CYBC1: variants seen among roughly 807,000 people sequenced by gnomAD.
The protein encoded by CYBC1 is cytochrome b-245 chaperone 1.
CYBC1 carries 22 observed loss-of-function variants against 21.7 expected under a neutral mutation model. The ratio of observed to expected loss-of-function variants is 1.02; its 90% CI spans 0.73 to 1.45. CYBC1 has a LOEUF of 1.45. Ranked by LOEUF, CYBC1 falls within the 40% of genes most tolerant of loss-of-function variation. The probability of loss-of-function intolerance (pLI) is 0.00; values close to 1 mark genes in which losing one functional copy is unlikely to be tolerated. For missense variants in CYBC1, 237 were observed against 242.1 expected (o/e 0.98, Z 0.14); for synonymous variants, 112 against 98.7 (o/e 1.13, Z -0.80).
chr17:82,444,188 A>G, intron 6 of CYBC1, 64 bp from the exon 7 acceptor site: 1 of 1,571,122 alleles, frequency 6.4e-7, no homozygotes, highest in Middle Eastern at 1.9e-4. Context: ...GTGAGACCCC[A>G]CAGCAGTCTC....
rs11951 is a variant in CYBC1, at chr17:82,442,750, G to A, written c.*1254C>T. 17 of 712,266 alleles carry A rather than the reference G, an allele frequency of 2.4e-5. No individual in the cohort carries two copies. Among genetic ancestry groups the A allele is most frequent in the African/African-American group, 5.3e-5 (3 of 56,350 alleles). 44.1% of individuals were successfully genotyped at this position (712,266 alleles called of 1,614,324 possible). A position where few individuals can be genotyped will look rare whatever the true frequency, so the allele number is the denominator to read the frequency against. ...CATCTCTCTCCTGTCGGCTTTCACC[G>A]AGGTCACAGCCAGACGTGGGGCAAA... is the stretch of plus-strand genomic sequence containing the variant. On this transcript the variant is annotated 3_prime_UTR_variant, in exon 7 of 7. Transcript: ENST00000306645. This position sits in a 1 kb window ranked among gnomAD's most constrained non-coding sequence, Gnocchi z 6.8.
chr17:82,447,352 C>CA (rs59578640), intron 3 of CYBC1: 33,777 of 463,756 alleles, frequency 0.073, 8 homozygotes, highest in Middle Eastern at 0.095. Flanking sequence ...GACTCCGTCT[C>CA]AAAAAAAAAA....
At chr17:82,448,966 A>C in intron 2 of CYBC1, 1 of 561,062 alleles carries the variant, frequency 1.8e-6, no homozygotes, top group Non-Finnish European at 3.1e-6. Context: ...GCTGGGTGTT[A>C]GTGATTAAAA....
At chr17:82,450,280 T>C (rs1435032715) in intron 1 of CYBC1, 1 of 151,806 alleles carries the variant, frequency 6.6e-6, no homozygotes, top group Non-Finnish European at 1.5e-5. Context: ...AGACCGTGTC[T>C]CAAAAAAATA....
At chr17:82,444,404 C>A (rs1218118447) in intron 6 of CYBC1, 43 bp downstream of exon 6, 1 of 1,569,128 alleles carries the variant, frequency 6.4e-7, no homozygotes, top group Non-Finnish European at 8.7e-7. Flanking sequence ...GAGTGACCTG[C>A]TACGGCTGCA....
intron 4 of CYBC1, 103 bp from the exon 5 acceptor site, chr17:82,446,063 G>C (rs1017354602): frequency 9.1e-6 from 8 of 874,322 alleles, no homozygotes; most frequent in Admixed American, 2.3e-5. Context: ...ACTCAAGAAG[G>C]GGGGCTGGGG....
At chr17:82,449,323 G>A (rs2054464273) in intron 1 of CYBC1, 31 bp from the exon 2 acceptor site, 1 of 1,300,994 alleles carries the variant, frequency 7.7e-7, no homozygotes, top group Non-Finnish European at 1.0e-6. Flanking sequence ...CTGAGCCCTT[G>A]GGCCTGCACA....
rs1421154681 is a variant in CYBC1 at position 82,449,180 on chromosome 17, G to A, written c.75C>T (p.Ser25=). 2 of 1,574,342 alleles carry A rather than the reference G, an allele frequency of 1.3e-6. No homozygotes were observed. Among genetic ancestry groups the A allele is most frequent in the Non-Finnish European group, 1.7e-6 (2 of 1,161,432 alleles). Residue 25 remains serine, a synonymous_variant, in exon 2 of 7, where the codon TCC becomes TCT. Transcript: ENST00000306645. ...CGTGGAGAGCCTTACCAACCAGCAG[G>A]GACCAGGACCGGATGCCTGGAGCCC... ...LKRAPGIRSW[S]LLVGILSIGL... is the part of the protein sequence containing the mutation.
At position 82,446,649 on chromosome 17, in the gene CYBC1, C is replaced by T; in HGVS notation, c.175G>A (p.Ala59Thr). Residue 59 changes from alanine to threonine, a missense_variant, in exon 4 of 7, where the codon GCT (alanine) becomes ACT (threonine). Coordinates refer to ENST00000306645, the MANE Select transcript of CYBC1 (RefSeq NM_001033046.4). Reference sequence around the variant, plus strand: ...TCCCAGTCCTCCAAGTTCTGCACAGCCACAAACAGGCAGCCTGTGACGTAG... The same window carrying T: ...TCCCAGTCCTCCAAGTTCTGCACAGTCACAAACAGGCAGCCTGTGACGTAG... ...LFYVTGCLFV[A>T]VQNLEDWEEA... 1 of 1,614,130 alleles carries T rather than the reference C, an allele frequency of 6.2e-7. No homozygotes were observed. The highest frequency in any genetic ancestry group is 8.5e-7 in the Non-Finnish European group (1 of 1,180,012).
chr17:82,442,685 G>A lies in CYBC1; in HGVS notation c.*1319C>T. Reference sequence around the variant, plus strand: ...TTTATGGTTATGATGACCCTGTCCTGCAACGAGGGACTGGCAGCCACTACT... The same window carrying A: ...TTTATGGTTATGATGACCCTGTCCTACAACGAGGGACTGGCAGCCACTACT... On this transcript the variant is annotated 3_prime_UTR_variant, in exon 7 of 7. Transcript: ENST00000306645. The surrounding 1 kb of genome is among the most constrained non-coding windows in gnomAD (Gnocchi z 6.8). 1.6e-6 allele frequency: 2 copies of A among 1,248,430 alleles called. No homozygotes were observed. Among genetic ancestry groups the A allele is most frequent in the Non-Finnish European group, 2.2e-6 (2 of 898,386 alleles). The allele number at this position is 1,248,430 out of a possible 1,614,324, so 77.3% of individuals were successfully genotyped here.
rs548495660 is a variant in CYBC1, at chr17:82,449,384, C to T, written c.-38-92G>A. 7.8e-5 allele frequency: 46 copies of T among 590,456 alleles called. No individual in the cohort carries two copies. In the East Asian group the frequency reaches 1.5e-3, roughly 19 times the overall value. The allele number at this position is 590,456 out of a possible 1,614,324, so 36.6% of individuals were successfully genotyped here. A position where few individuals can be genotyped will look rare whatever the true frequency, so the allele number is the denominator to read the frequency against. ...CCAGTCTGGAGGCCAAGAGCAGGTCCCCCAACTAAGTCACCTGCAGCCCCA... is the reference window on the plus strand; with the variant it reads ...CCAGTCTGGAGGCCAAGAGCAGGTCTCCCAACTAAGTCACCTGCAGCCCCA... On this transcript the variant is annotated intron_variant, in intron 1 of 6. Transcript: ENST00000306645.
Position 82,443,180 on chromosome 17 carries a change from G to A in CYBC1, c.*824C>T. 3.7e-6 allele frequency: 1 copy of A among 270,412 alleles called. No individual in the cohort carries two copies. 16.8% of individuals were successfully genotyped at this position (270,412 alleles called of 1,614,324 possible). ...CCCACCTCGGCCTCCGAAAGTGCTG[G>A]GATTACTGGCATGAACCACTGCGCC... On this transcript the variant is annotated 3_prime_UTR_variant, in exon 7 of 7. Coordinates refer to ENST00000306645, the MANE Select transcript of CYBC1 (RefSeq NM_001033046.4). The surrounding 1 kb of genome is among the most constrained non-coding windows in gnomAD (Gnocchi z 6.7).
In CYBC1 at chr17:82,446,496, G is replaced by A. The variant is rs2054294065; in HGVS notation, c.201+127C>T. 115 of 822,986 alleles carry A rather than the reference G, an allele frequency of 1.4e-4. No individual in the cohort carries two copies. In the South Asian group the frequency reaches 1.6e-3, roughly 12 times the overall value. 51.0% of individuals were successfully genotyped at this position (822,986 alleles called of 1,614,324 possible). On this transcript the variant is annotated intron_variant, in intron 4 of 6. Transcript: ENST00000306645. ...CTGATGAACGGAGACCTCCAAGCAGGGACCAACGCTTCAGGACGGGGAGGC... is the reference window on the plus strand; with the variant it reads ...CTGATGAACGGAGACCTCCAAGCAGAGACCAACGCTTCAGGACGGGGAGGC...
At position 82,446,742 on chromosome 17, in the gene CYBC1, C is replaced by A. The variant is rs774623467; in HGVS notation, c.128-46G>T. The A allele has an allele frequency of 2.5e-6, 4 of 1,591,688 alleles. No individual in the cohort carries two copies. The East Asian group carries it at 8.9e-5, about 36-fold the overall frequency. ...CCAGCCTGTGAGCTCCAGGGACATG[C>A]CCACGGGAGGCCCCGCCTAGCACAG... On this transcript the variant is annotated intron_variant, in intron 3 of 6. Coordinates refer to ENST00000306645, the MANE Select transcript of CYBC1 (RefSeq NM_001033046.4).
rs2054062590 is a variant in CYBC1, at chr17:82,443,040, A to T, written c.*964T>A. On this transcript the variant is annotated 3_prime_UTR_variant, in exon 7 of 7. Transcript: ENST00000306645. The surrounding 1 kb of genome is among the most constrained non-coding windows in gnomAD (Gnocchi z 6.7). ...CTTCCCAGGTTCGAGAGAGGCTGGA[A>T]CTCAATTTCTGCAGAAAATCTCCCA... 5.3e-6 allele frequency: 1 copy of T among 189,402 alleles called. No homozygotes were observed. The highest frequency in any genetic ancestry group is 2.4e-5 in the African/African-American group (1 of 42,390). 11.7% of individuals were successfully genotyped at this position (189,402 alleles called of 1,614,324 possible). A position where few individuals can be genotyped will look rare whatever the true frequency, so the allele number is the denominator to read the frequency against.
chr17:82,445,812 G>C, intron 5 of CYBC1, 52 bp downstream of exon 5: 1 of 1,418,524 alleles, frequency 7.0e-7, no homozygotes, highest in Non-Finnish European at 9.7e-7. Flanking sequence ...AGACGCCCAA[G>C]TGCGCCGCCT....
Position 82,449,296 on chromosome 17 carries a change from G to C in CYBC1, c.-38-4C>G. 1.4e-6 allele frequency: 2 copies of C among 1,465,482 alleles called. No individual in the cohort carries two copies. Among genetic ancestry groups the C allele is most frequent in the Non-Finnish European group, 1.8e-6 (2 of 1,096,060 alleles). 90.8% of individuals were successfully genotyped at this position (1,465,482 alleles called of 1,614,324 possible). A position where few individuals can be genotyped will look rare whatever the true frequency, so the allele number is the denominator to read the frequency against. On this transcript the variant is annotated splice_polypyrimidine_tract_variant and splice_region_variant and intron_variant, in intron 1 of 6. Coordinates refer to ENST00000306645, the MANE Select transcript of CYBC1 (RefSeq NM_001033046.4). ...CACTCTCTACAGGAGGAGGGGTCTG[G>C]GAACAGACAGAGGCAGCTGAGCCCT... is the stretch of plus-strand genomic sequence containing the variant.
At position 82,443,301 on chromosome 17, in the gene CYBC1, C is replaced by T. The variant is rs757608362; in HGVS notation, c.*703G>A. 2 of 382,282 alleles carry T rather than the reference C, an allele frequency of 5.2e-6. No individual in the cohort carries two copies. Among genetic ancestry groups the T allele is most frequent in the African/African-American group, 4.2e-5 (2 of 47,912 alleles). 23.7% of individuals were successfully genotyped at this position (382,282 alleles called of 1,614,324 possible). Reference sequence around the variant, plus strand: ...TTATGCTGAAGCTGAGTGTGAGGAACAGAGAGACCTTTCTGTGACGACCGC... The same window carrying T: ...TTATGCTGAAGCTGAGTGTGAGGAATAGAGAGACCTTTCTGTGACGACCGC... On this transcript the variant is annotated 3_prime_UTR_variant, in exon 7 of 7. Coordinates refer to ENST00000306645, the MANE Select transcript of CYBC1 (RefSeq NM_001033046.4). The surrounding 1 kb of genome is among the most constrained non-coding windows in gnomAD (Gnocchi z 6.7).
intron 6 of CYBC1, 160 bp downstream of exon 6, chr17:82,444,287 G>A: frequency 2.1e-6 from 3 of 1,428,130 alleles, no homozygotes; most frequent in Non-Finnish European, 2.8e-6. Context: ...CCGTCACAGT[G>A]GGGCTGCCCC....
Sources: allele counts gnomAD v4.1 joint callset, GRCh38; gene constraint gnomAD v4.1.1; non-coding constraint Gnocchi (gnomAD v3.1); transcripts MANE v1.5; gene names NCBI Gene and HGNC (gene_info 2026-07-23, HGNC 2026-07-21).